The following PLEKHM3 variants were observed in gnomAD, a reference collection of about 807,000 sequenced individuals.
The protein encoded by PLEKHM3 is pleckstrin homology domain containing M3, also known as pleckstrin homology domain-containing family M member 3.
PLEKHM3 carries 45 observed loss-of-function variants against 81.8 expected under a neutral mutation model. The ratio of observed to expected loss-of-function variants is 0.55; its 90% CI spans 0.43 to 0.71. The LOEUF (loss-of-function observed/expected upper bound fraction) is 0.71, where lower values mean the gene tolerates loss of function less well. Among genes scored for constraint, PLEKHM3 ranks in the 30% least tolerant of loss-of-function variants. The pLI is 0.00. For synonymous variants in PLEKHM3, 352 were observed against 356.4 expected, an observed-to-expected ratio of 0.99 and a Z score of 0.14; for missense variants, 788 against 924.3, an observed-to-expected ratio of 0.85 and a Z score of 1.91.
chr2:207,896,180 T>C (rs1050962861), intron 6 of PLEKHM3, among the ~76,000 whole-genome samples: 1 of 152,226 alleles, frequency 6.6e-6, no homozygotes, highest in African/African-American at 2.4e-5. Flanking sequence ...TGGAAGGGGC[T>C]GTAAAGATTG....
chr2:207,930,878 G>A, intron 5 of PLEKHM3, 48 bp downstream of exon 5: 2 of 1,592,136 alleles, frequency 1.3e-6, no homozygotes, highest in Non-Finnish European at 1.7e-6. Context: ...CCCTCCGTGG[G>A]CGGGAAAGAA....
chr2:207,912,395 C>A (rs1363247141), intron 5 of PLEKHM3, among the ~76,000 whole-genome samples: 3 of 152,224 alleles, frequency 2.0e-5, no homozygotes, highest in African/African-American at 7.2e-5. Context: ...TCTTCTCCAT[C>A]ACACTTCAGT....
intron 6 of PLEKHM3, among the ~76,000 whole-genome samples, chr2:207,903,399 GC>G (rs1688505834): frequency 6.6e-6 from 1 of 152,024 alleles, no homozygotes; most frequent in African/African-American, 2.4e-5. Flanking sequence ...ACTCTAACCA[GC>G]CACCTCACCC....
rs182126738 is a variant in PLEKHM3, at chr2:207,931,511, G to C, written c.1693-392C>G. ...TGTGAAAGGTACACAGAACCTCTCT[G>C]AATTGTCTATGCAATTTCCTGTGAA... On this transcript the variant is annotated intron_variant, in intron 4 of 7. Transcript: ENST00000427836. 2.2e-3 allele frequency among the ~76,000 whole-genome samples: 331 copies of C among 152,302 alleles called. 7 individuals carry two copies. The highest frequency in any genetic ancestry group is 3.1e-4 in the Non-Finnish European group (21 of 68,018).
chr2:207,944,073 T>A (rs368678366), intron 4 of PLEKHM3, among the ~76,000 whole-genome samples: 2 of 152,134 alleles, frequency 1.3e-5, no homozygotes, highest in East Asian at 3.9e-4. Flanking sequence ...ATGATGTAAG[T>A]GAGGGAGATG....
At chr2:207,961,512 T>C (rs554728811) in intron 3 of PLEKHM3, among the ~76,000 whole-genome samples, 1 of 152,376 alleles carries the variant, frequency 6.6e-6, no homozygotes, top group South Asian at 2.1e-4. Flanking sequence ...AAGTGGTATA[T>C]GGTAAGTACG....
At chr2:207,967,292 T>C (rs1487132133) in intron 3 of PLEKHM3, among the ~76,000 whole-genome samples, 1 of 152,176 alleles carries the variant, frequency 6.6e-6, no homozygotes, top group Non-Finnish European at 1.5e-5. Flanking sequence ...ACTGCACCAA[T>C]CTTGTAAATG....
Position 207,821,534 on chromosome 2 carries a change from G to GC in PLEKHM3, c.*6784dup, listed in dbSNP as rs1293561373. On this transcript the variant is annotated 3_prime_UTR_variant, in exon 8 of 8. Transcript: ENST00000427836. ...AACACATATATAAGTTAGCACATTA[G>GC]CTACTACAAATAACTTAACACAAAG... is the stretch of plus-strand genomic sequence containing the variant. The GC allele has an allele frequency of 6.6e-6, 1 of 152,048 alleles. No individual in the cohort carries two copies. Among genetic ancestry groups the GC allele is most frequent in the Non-Finnish European group, 1.5e-5 (1 of 68,016 alleles). The allele number at this position is 152,048 out of a possible 1,614,324, so 9.4% of individuals were successfully genotyped here. A position where few individuals can be genotyped will look rare whatever the true frequency, so the allele number is the denominator to read the frequency against.
chr2:207,866,067 C>T (rs1682307885), intron 6 of PLEKHM3, among the ~76,000 whole-genome samples: 1 of 151,732 alleles, frequency 6.6e-6, no homozygotes, highest in Non-Finnish European at 1.5e-5. Context: ...TTCTAGATGT[C>T]AGTCTTTTTT....
At chr2:207,903,411 A>G (rs1399345200) in intron 6 of PLEKHM3, among the ~76,000 whole-genome samples, 1 of 152,152 alleles carries the variant, frequency 6.6e-6, no homozygotes, top group African/African-American at 2.4e-5. Context: ...CACCTCACCC[A>G]TGGGATCATC....
intron 6 of PLEKHM3, among the ~76,000 whole-genome samples, chr2:207,870,560 T>C (rs1282028248): frequency 2.0e-5 from 3 of 152,228 alleles, no homozygotes; most frequent in Non-Finnish European, 4.4e-5. Flanking sequence ...TAATTTCCCA[T>C]ATAGTTCAGT....
rs2092365119 is a variant in PLEKHM3, at chr2:207,843,346, T to C, written c.2109-14850A>G. Among the ~76,000 whole-genome samples, 1 of 152,088 alleles carries C rather than the reference T, an allele frequency of 6.6e-6. No individual in the cohort carries two copies. Among genetic ancestry groups the C allele is most frequent in the South Asian group, 2.1e-4 (1 of 4,832 alleles). ...TCTGAGAAAAAGTGAGGTAACAAAC[T>C]AATGGGAGGGTTAGCCTGGGAGAAG... On this transcript the variant is annotated intron_variant, in intron 7 of 7. Transcript: ENST00000427836. The surrounding 1 kb of genome is among the most constrained non-coding windows in gnomAD (Gnocchi z 4.4).
chr2:208,005,083 C>T (rs1332230672), intron 1 of PLEKHM3, among the ~76,000 whole-genome samples: 1 of 152,066 alleles, frequency 6.6e-6, no homozygotes, highest in African/African-American at 2.4e-5. Flanking sequence ...CCTTGGCCTC[C>T]CAAAGTGCTA....
At chr2:207,993,566 G>C (rs1691970057) in intron 2 of PLEKHM3, among the ~76,000 whole-genome samples, 2 of 151,360 alleles carry the variant, frequency 1.3e-5, no homozygotes, top group African/African-American at 4.9e-5. Context: ...CACAAAACCT[G>C]AGATAAAGAA....
intron 6 of PLEKHM3, among the ~76,000 whole-genome samples, chr2:207,902,319 G>A (rs1688457492): frequency 6.6e-6 from 1 of 152,172 alleles, no homozygotes; most frequent in Non-Finnish European, 1.5e-5. Context: ...GGTGGGGCAG[G>A]GCCGTGCAAA....
chr2:207,991,115 G>A (rs1429714344), intron 2 of PLEKHM3, among the ~76,000 whole-genome samples: 1 of 152,142 alleles, frequency 6.6e-6, no homozygotes, highest in Non-Finnish European at 1.5e-5. Flanking sequence ...CTGTGATGAG[G>A]GCAAGCCTTA....
At chr2:207,973,476 C>T (rs1410016468) in intron 3 of PLEKHM3, among the ~76,000 whole-genome samples, 5 of 152,188 alleles carry the variant, frequency 3.3e-5, no homozygotes, top group Non-Finnish European at 7.3e-5. Flanking sequence ...CGGTGGCTTA[C>T]GCCTGTAATC....
intron 2 of PLEKHM3, among the ~76,000 whole-genome samples, chr2:207,980,419 T>C (rs1691479977): frequency 6.6e-6 from 1 of 152,042 alleles, no homozygotes; most frequent in African/African-American, 2.4e-5. Context: ...GAAGAAAAAA[T>C]GCACTGGGTA....
At position 207,826,661 on chromosome 2, in the gene PLEKHM3, T is replaced by C. The variant is rs908321480; in HGVS notation, c.*1658A>G. ...CTGAAATGTCACATCTCTAGATGGATGGAAGTATCATGAGTTGGGGTCTTG... is the reference window on the plus strand; with the variant it reads ...CTGAAATGTCACATCTCTAGATGGACGGAAGTATCATGAGTTGGGGTCTTG... On this transcript the variant is annotated 3_prime_UTR_variant, in exon 8 of 8. Transcript: ENST00000427836. 1 of 152,178 alleles carries C rather than the reference T, an allele frequency of 6.6e-6. No individual in the cohort carries two copies. Among genetic ancestry groups the C allele is most frequent in the Non-Finnish European group, 1.5e-5 (1 of 68,044 alleles). 9.4% of individuals were successfully genotyped at this position (152,178 alleles called of 1,614,324 possible).
Sources: allele counts gnomAD v4.1 joint callset (sites outside exome capture counted in the v4.1 genomes callset), GRCh38; gene constraint gnomAD v4.1.1; non-coding constraint Gnocchi (gnomAD v3.1); transcripts MANE v1.5; gene names NCBI Gene and HGNC (gene_info 2026-07-23, HGNC 2026-07-21).